Variants in CNTN1 observed in about 807,000 individuals in gnomAD.
The protein encoded by CNTN1 is contactin 1.
CNTN1 carries 38 observed loss-of-function variants against 126.4 expected under a neutral mutation model. That is an observed-to-expected ratio of 0.30 (90% CI 0.23 to 0.39). The LOEUF (loss-of-function observed/expected upper bound fraction) is 0.39, where lower values mean the gene tolerates loss of function less well. Among genes scored for constraint, CNTN1 ranks in the 10% least tolerant of loss-of-function variants. The probability of loss-of-function intolerance (pLI) is 1.00; values close to 1 mark genes in which losing one functional copy is unlikely to be tolerated. For synonymous variants in CNTN1, 413 were observed against 422.6 expected (o/e 0.98, Z 0.28); for missense variants, 1,009 against 1,248.4 (o/e 0.81, Z 2.89).
chr12:40,720,562 T>G (rs1942175894), intron 1 of CNTN1, among the ~76,000 whole-genome samples: 1 of 152,154 alleles, frequency 6.6e-6, no homozygotes, highest in Non-Finnish European at 1.5e-5. Context: ...GACAATACAG[T>G]AGATGGATAA....
chr12:40,857,488 G>T (rs1565840551), intron 1 of CNTN1, among the ~76,000 whole-genome samples: 1 of 152,000 alleles, frequency 6.6e-6, no homozygotes, highest in Non-Finnish European at 1.5e-5. Context: ...GCAGCCTGGG[G>T]TTAGAAACAT....
intron 17 of CNTN1, among the ~76,000 whole-genome samples, chr12:41,001,796 T>C (rs1948366760): frequency 6.6e-6 from 1 of 152,220 alleles, no homozygotes; most frequent in Non-Finnish European, 1.5e-5. Context: ...GAGTTCATTT[T>C]CATATATGGT....
At chr12:40,952,284 T>G (rs1946718683) in intron 14 of CNTN1, among the ~76,000 whole-genome samples, 1 of 152,070 alleles carries the variant, frequency 6.6e-6, no homozygotes, top group South Asian at 2.1e-4. Context: ...AGTAAATCTT[T>G]GGGTAGTGTT....
At chr12:40,775,867 C>T (rs1470389463) in intron 1 of CNTN1, among the ~76,000 whole-genome samples, 2 of 151,518 alleles carry the variant, frequency 1.3e-5, no homozygotes, top group Admixed American at 1.3e-4. Context: ...CAAGAAAAAG[C>T]CCCAGAGATC....
chr12:40,706,642 A>G (rs1231175358), intron 1 of CNTN1, among the ~76,000 whole-genome samples: 1 of 152,154 alleles, frequency 6.6e-6, no homozygotes, highest in Non-Finnish European at 1.5e-5. Flanking sequence ...CAAAGAGAAT[A>G]TTTTAGAAAT....
intron 1 of CNTN1, among the ~76,000 whole-genome samples, chr12:40,815,684 A>T (rs941459501): frequency 1.3e-5 from 2 of 152,122 alleles, no homozygotes; most frequent in Non-Finnish European, 2.9e-5. Context: ...TTCCAATTCT[A>T]TGTTGAATAG....
chr12:40,948,653 C>T lies in CNTN1; in HGVS notation c.1683+4483C>T, dbSNP rs185622601. On this transcript the variant is annotated intron_variant, in intron 14 of 23. Transcript: ENST00000551295. Reference sequence around the variant, plus strand: ...GCCTGACTGCCAACCCTGTAATCTCCACCACTTTGATTCATCTTTTGGTTA... The same window carrying T: ...GCCTGACTGCCAACCCTGTAATCTCTACCACTTTGATTCATCTTTTGGTTA... Among the ~76,000 whole-genome samples, 7 of 152,274 alleles carry T rather than the reference C, an allele frequency of 4.6e-5. No individual in the cohort carries two copies. The East Asian group carries it at 1.2e-3, about 25-fold the overall frequency.
intron 19 of CNTN1, among the ~76,000 whole-genome samples, chr12:41,017,624 C>T (rs572499670): frequency 6.6e-6 from 1 of 152,054 alleles, no homozygotes; most frequent in African/African-American, 2.4e-5. Context: ...AAAAACAATG[C>T]TAATACCAGC....
At chr12:40,892,053 G>A (rs1944256105) in intron 1 of CNTN1, among the ~76,000 whole-genome samples, 1 of 152,140 alleles carries the variant, frequency 6.6e-6, no homozygotes. Flanking sequence ...ATTTGTTCAA[G>A]GAAAGAATAA....
Position 40,806,109 on chromosome 12 carries a change from C to T in CNTN1, c.-76-102248C>T, listed in dbSNP as rs148645284. Reference sequence around the variant, plus strand: ...CTTGATACTCAGTGCTAGGTTATATCGGAGTGCAAGGATAACAGGCTCTCT... The same window carrying T: ...CTTGATACTCAGTGCTAGGTTATATTGGAGTGCAAGGATAACAGGCTCTCT... On this transcript the variant is annotated intron_variant, in intron 1 of 23. Coordinates refer to ENST00000551295, the MANE Select transcript of CNTN1 (RefSeq NM_001843.4). Among the ~76,000 whole-genome samples the T allele has an allele frequency of 4.8e-3, 733 of 152,170 alleles. 10 individuals carry two copies. The highest frequency in any genetic ancestry group is 0.017 in the East Asian group (87 of 5,170).
At position 41,014,208 on chromosome 12, in the gene CNTN1, T is replaced by C. The variant is rs896908779; in HGVS notation, c.2114-20T>C. 65 of 1,612,994 alleles carry C rather than the reference T, an allele frequency of 4.0e-5. No individual in the cohort carries two copies. Among genetic ancestry groups the C allele is most frequent in the Non-Finnish European group, 5.0e-5 (59 of 1,179,186 alleles). ...CCTCTTTTTGTTGTTGTTTTGCATATATTTGTTTGTTTGTTTCAGCACCAA... is the reference window on the plus strand; with the variant it reads ...CCTCTTTTTGTTGTTGTTTTGCATACATTTGTTTGTTTGTTTCAGCACCAA... On this transcript the variant is annotated intron_variant, in intron 17 of 23. Coordinates refer to ENST00000551295, the MANE Select transcript of CNTN1 (RefSeq NM_001843.4).
At chr12:40,847,720 G>A (rs1457737125) in intron 1 of CNTN1, among the ~76,000 whole-genome samples, 1 of 152,194 alleles carries the variant, frequency 6.6e-6, no homozygotes, top group Non-Finnish European at 1.5e-5. Context: ...TCTTGAATAA[G>A]AAGTTGAATT....
At chr12:41,025,704 T>C (rs1949022531) in intron 21 of CNTN1, among the ~76,000 whole-genome samples, 1 of 152,206 alleles carries the variant, frequency 6.6e-6, no homozygotes, top group African/African-American at 2.4e-5. Flanking sequence ...TTTTACATGC[T>C]TTAATTTATA....
chr12:40,709,397 G>A (rs1430688827), intron 1 of CNTN1, among the ~76,000 whole-genome samples: 1 of 152,210 alleles, frequency 6.6e-6, no homozygotes, highest in African/African-American at 2.4e-5. Context: ...AGGCAGAGTA[G>A]AGTTAGCGTA....
At position 40,937,107 on chromosome 12, in the gene CNTN1, T is replaced by TTC. The variant is rs753079299; in HGVS notation, c.1110+217_1110+218dup. Among the ~76,000 whole-genome samples, 9 of 151,684 alleles carry TTC rather than the reference T, an allele frequency of 5.9e-5. No individual in the cohort carries two copies. In the South Asian group the frequency reaches 6.3e-4, roughly 11 times the overall value. The stretch of plus-strand genomic sequence containing the variant: ...CAACTTTCTGTAATCTTACTCTACC[T>TTC]TCTCTCTCTCTCTCTCCTTATTTTT... On this transcript the variant is annotated intron_variant, in intron 10 of 23. Coordinates refer to ENST00000551295, the MANE Select transcript of CNTN1 (RefSeq NM_001843.4).
At chr12:40,693,992 C>T (rs1165277055) in intron 1 of CNTN1, among the ~76,000 whole-genome samples, 3 of 152,182 alleles carry the variant, frequency 2.0e-5, no homozygotes, top group Non-Finnish European at 2.9e-5. Context: ...TCATCCATTT[C>T]GCCGCATTTT....
At chr12:40,997,147 A>G (rs926404025) in intron 17 of CNTN1, among the ~76,000 whole-genome samples, 7 of 152,258 alleles carry the variant, frequency 4.6e-5, no homozygotes, top group African/African-American at 1.7e-4. Context: ...TTTGTAATTC[A>G]TTTTAACCCA....
At chr12:40,767,555 G>A (rs911892287) in intron 1 of CNTN1, among the ~76,000 whole-genome samples, 1 of 151,872 alleles carries the variant, frequency 6.6e-6, no homozygotes, top group South Asian at 2.1e-4. Context: ...TGATCCGCCC[G>A]CCTTGGCCTC....
intron 17 of CNTN1, among the ~76,000 whole-genome samples, chr12:41,011,443 T>C (rs544378653): frequency 6.8e-4 from 104 of 152,318 alleles, no homozygotes; most frequent in African/African-American, 2.3e-3. Flanking sequence ...AAAAAAGGCA[T>C]CCCTTTAGTC....
Sources: gnomAD v4.1 joint callset for allele counts (sites outside exome capture counted in the v4.1 genomes callset) on GRCh38, gnomAD v4.1.1 for gene constraint, MANE v1.5 for transcripts, NCBI Gene and HGNC (gene_info 2026-07-23, HGNC 2026-07-21) for gene names.